The following HECA variants were observed in gnomAD, a reference collection of about 807,000 sequenced individuals.
HECA encodes HECA ribonucleoprotein granule regulator.
Under a neutral mutation model 37.6 loss-of-function variants are expected in HECA, and 13 were observed. The observed-to-expected ratio is 0.35, with a 90% CI of 0.23 to 0.55. HECA has a LOEUF of 0.55. HECA is among the 20% of genes least tolerant of loss of function. The probability of loss-of-function intolerance (pLI) is 0.90; values close to 1 mark genes in which losing one functional copy is unlikely to be tolerated. For synonymous variants in HECA, 307 were observed against 291.5 expected, an observed-to-expected ratio of 1.05 and a Z score of -0.54; for missense variants, 527 against 701.9, an observed-to-expected ratio of 0.75 and a Z score of 2.82.
intron 1 of HECA, among the ~76,000 whole-genome samples, chr6:139,146,360 CAGT>C (rs1774583554): frequency 6.6e-6 from 1 of 152,176 alleles, no homozygotes; most frequent in Admixed American, 6.5e-5. Flanking sequence ...AAAGTCATCT[CAGT>C]AGAGTCTTTG....
intron 1 of HECA, among the ~76,000 whole-genome samples, chr6:139,138,392 AAGG>A (rs1480994046): frequency 6.6e-6 from 1 of 152,204 alleles, no homozygotes; most frequent in Non-Finnish European, 1.5e-5. Flanking sequence ...TATTACAAGA[AAGG>A]AGGTACTTGA....
intron 2 of HECA, among the ~76,000 whole-genome samples, chr6:139,168,060 T>C (rs1156873462): frequency 1.3e-5 from 2 of 152,206 alleles, no homozygotes; most frequent in South Asian, 2.1e-4. Context: ...GAAAATGATA[T>C]ATCCCCACCT....
At chr6:139,172,022 G>A (rs1405104501) in intron 2 of HECA, among the ~76,000 whole-genome samples, 1 of 152,046 alleles carries the variant, frequency 6.6e-6, no homozygotes, top group Non-Finnish European at 1.5e-5. Flanking sequence ...GTAGAGATGG[G>A]GTTTCACCAT....
intron 1 of HECA, among the ~76,000 whole-genome samples, chr6:139,138,885 A>C (rs1487437017): frequency 1.3e-5 from 2 of 152,172 alleles, no homozygotes; most frequent in Non-Finnish European, 2.9e-5. Flanking sequence ...TGCACATACC[A>C]TTTGCATTTT....
At chr6:139,171,360 A>G (rs1476844630) in intron 2 of HECA, among the ~76,000 whole-genome samples, 2 of 152,228 alleles carry the variant, frequency 1.3e-5, no homozygotes, top group African/African-American at 2.4e-5. Flanking sequence ...ACATCAAAAC[A>G]TAGACATACA....
chr6:139,148,585 G>A (rs1475468488), intron 1 of HECA, among the ~76,000 whole-genome samples: 1 of 152,162 alleles, frequency 6.6e-6, no homozygotes, highest in African/African-American at 2.4e-5. Context: ...CCAACATGGT[G>A]AAACCCCATG....
intron 1 of HECA, among the ~76,000 whole-genome samples, chr6:139,141,503 T>G (rs1442413523): frequency 6.6e-6 from 1 of 152,226 alleles, no homozygotes; most frequent in African/African-American, 2.4e-5. Flanking sequence ...CTTAATTACT[T>G]CATGTGTTAA....
At chr6:139,172,339 C>T (rs552596923) in intron 2 of HECA, among the ~76,000 whole-genome samples, 21 of 152,316 alleles carry the variant, frequency 1.4e-4, no homozygotes, top group South Asian at 4.1e-4. Flanking sequence ...GCACAGCATG[C>T]GGGGCTGACA....
intron 1 of HECA, 47 bp downstream of exon 1, chr6:139,135,714 G>A (rs777758966): frequency 4.3e-6 from 4 of 922,598 alleles, no homozygotes; most frequent in African/African-American, 1.8e-5. Context: ...CCCCGACGGG[G>A]ACGGCGCGGT....
chr6:139,166,584 G>C lies in HECA; in HGVS notation c.572G>C (p.Trp191Ser). The change falls in exon 2 of 4, where the codon TGG becomes TCG. Residue 191 changes from tryptophan to serine, a missense_variant. Trp to Ser is a radical substitution (Grantham distance 177). This residue lies in a region of HECA where 228 missense variants were observed against 259.8 expected (regional missense o/e 0.88). Transcript: ENST00000367658. ...GQGHLKKDTD[W>S]YQVKRMQDEK... ...GGCCACTTGAAGAAGGACACAGACT[G>C]GTATCAGGTGAAGCGGATGCAGGAC... is the stretch of plus-strand genomic sequence containing the variant. The C allele has an allele frequency of 6.2e-7, 1 of 1,614,230 alleles. No individual in the cohort carries two copies. Among genetic ancestry groups the C allele is most frequent in the Non-Finnish European group, 8.5e-7 (1 of 1,180,042 alleles).
At chr6:139,150,214 T>C (rs1188649402) in intron 1 of HECA, among the ~76,000 whole-genome samples, 1 of 152,186 alleles carries the variant, frequency 6.6e-6, no homozygotes, top group Non-Finnish European at 1.5e-5. Context: ...AATTGTGAAT[T>C]TACCAAACTA....
intron 2 of HECA, among the ~76,000 whole-genome samples, chr6:139,172,572 C>T (rs1774989901): frequency 6.6e-6 from 1 of 152,188 alleles, no homozygotes; most frequent in Non-Finnish European, 1.5e-5. Flanking sequence ...TGATTGTTCT[C>T]TGAAGAATCG....
intron 1 of HECA, among the ~76,000 whole-genome samples, chr6:139,152,517 A>G (rs1232032767): frequency 6.6e-6 from 1 of 151,598 alleles, no homozygotes; most frequent in African/African-American, 2.4e-5. Context: ...ACTGTAAGCA[A>G]AGAAAAACAT....
chr6:139,174,616 C>A, intron 3 of HECA, 77 bp downstream of exon 3: 1 of 1,541,510 alleles, frequency 6.5e-7, no homozygotes, highest in Non-Finnish European at 8.8e-7. Context: ...GAAGATGCGT[C>A]TGGCAATAAA....
chr6:139,162,145 G>A (rs1245160359), intron 1 of HECA, among the ~76,000 whole-genome samples: 1 of 152,090 alleles, frequency 6.6e-6, no homozygotes, highest in Non-Finnish European at 1.5e-5. Flanking sequence ...CTCCTGAGTC[G>A]TCAGCTGGTG....
intron 2 of HECA, among the ~76,000 whole-genome samples, chr6:139,173,456 A>C (rs1400667306): frequency 6.6e-6 from 1 of 152,214 alleles, no homozygotes; most frequent in Non-Finnish European, 1.5e-5. Flanking sequence ...CCATCGGGTA[A>C]GGAGCAGGTT....
In HECA at chr6:139,147,383, T is replaced by G. The variant is rs561569275; in HGVS notation, c.271+11716T>G. Among the ~76,000 whole-genome samples the G allele has an allele frequency of 2.0e-5, 3 of 152,236 alleles. No homozygotes were observed. The East Asian group carries it at 5.8e-4, about 29-fold the overall frequency. On this transcript the variant is annotated intron_variant, in intron 1 of 3. Coordinates refer to ENST00000367658, the MANE Select transcript of HECA (RefSeq NM_016217.3). Reference sequence around the variant, plus strand: ...GCTCATGCCTGTAATCCCAGCACTTTAGGAGGCTGAGGTGGGTGAAACACT... The same window carrying G: ...GCTCATGCCTGTAATCCCAGCACTTGAGGAGGCTGAGGTGGGTGAAACACT...
chr6:139,153,424 AT>A (rs778574916), intron 1 of HECA, among the ~76,000 whole-genome samples: 337 of 143,442 alleles, frequency 2.3e-3, no homozygotes, highest in African/African-American at 2.0e-3. Context: ...AAATAATGTA[AT>A]TTTTTTTTTT....
chr6:139,160,541 G>A (rs959276068), intron 1 of HECA, among the ~76,000 whole-genome samples: 2 of 152,180 alleles, frequency 1.3e-5, no homozygotes, highest in African/African-American at 4.8e-5. Flanking sequence ...AGCCTCCTGA[G>A]TAGCTGGGAC....
Sources: gnomAD v4.1 joint callset for allele counts (sites outside exome capture counted in the v4.1 genomes callset) on GRCh38, gnomAD v4.1.1 for gene constraint, gnomAD v4.1.1 regional missense constraint, MANE v1.5 for transcripts, NCBI Gene and HGNC (gene_info 2026-07-23, HGNC 2026-07-21) for gene names.